The following RANBP9 variants were observed in gnomAD, a reference collection of about 807,000 sequenced individuals.
RANBP9 encodes RAN binding protein 9, also known as ran-binding protein 9.
RANBP9 carries 15 observed loss-of-function variants against 84.3 expected under a neutral mutation model. The ratio of observed to expected loss-of-function variants is 0.18; its 90% CI spans 0.12 to 0.27. The LOEUF is 0.27. RANBP9 is among the 10% of genes least tolerant of loss of function. The pLI is 1.00. For missense variants in RANBP9, 809 were observed against 912.8 expected, an observed-to-expected ratio of 0.89 and a Z score of 1.46; for synonymous variants, 392 against 349.6, an observed-to-expected ratio of 1.12 and a Z score of -1.35.
At chr6:13,683,716 T>C (rs6459025) in intron 2 of RANBP9, among the ~76,000 whole-genome samples, 56,324 of 151,662 alleles carry the variant, frequency 0.37, 10,799 homozygotes, top group Admixed American at 0.49. Flanking sequence ...GATTTGTTTA[T>C]TTGATTTTCC....
chr6:13,678,786 G>A (rs565809990), intron 2 of RANBP9, among the ~76,000 whole-genome samples: 1 of 152,156 alleles, frequency 6.6e-6, no homozygotes, highest in African/African-American at 2.4e-5. Flanking sequence ...AGACCTGTGA[G>A]TATAATAAAA....
intron 2 of RANBP9, among the ~76,000 whole-genome samples, chr6:13,693,399 T>A (rs748894586): frequency 6.6e-6 from 1 of 151,858 alleles, no homozygotes; most frequent in African/African-American, 2.4e-5. Context: ...TAAAAAAAAA[T>A]GACAATACCT....
At chr6:13,671,423 T>G (rs1026410157) in intron 2 of RANBP9, among the ~76,000 whole-genome samples, 5 of 152,206 alleles carry the variant, frequency 3.3e-5, no homozygotes, top group African/African-American at 9.7e-5. Context: ...TGTGATATAT[T>G]AATACAATGG....
chr6:13,651,694 C>A (rs926190167), intron 5 of RANBP9, among the ~76,000 whole-genome samples: 1 of 152,042 alleles, frequency 6.6e-6, no homozygotes, highest in African/African-American at 2.4e-5. Context: ...GCCACCATGC[C>A]CGGCCTAGTC....
chr6:13,711,310 C>T lies in RANBP9; in HGVS notation c.196G>A (p.Ala66Thr), dbSNP rs1237701440. 7.6e-6 allele frequency: 8 copies of T among 1,057,016 alleles called. No homozygotes were observed. In the Admixed American group the frequency reaches 1.7e-4, roughly 22 times the overall value. 65.5% of individuals were successfully genotyped at this position (1,057,016 alleles called of 1,614,324 possible). A position where few individuals can be genotyped will look rare whatever the true frequency, so the allele number is the denominator to read the frequency against. ...GGCGGCGGAGGGTGGAGGAGCAGGG[C>T]GGCCGCCGCGGCCCCTAAGCCTTCG... The part of the protein sequence containing the change: ...GGEGLGAAAA[A>T]LLLHPPPPPP... Residue 66 changes from alanine to threonine, a missense_variant, in exon 1 of 14, where the codon GCC (alanine) becomes ACC (threonine). Ala to Thr is a moderately conservative substitution (Grantham distance 58). Transcript: ENST00000011619.
chr6:13,624,336 A>C (rs1455644759), intron 13 of RANBP9, among the ~76,000 whole-genome samples: 1 of 152,134 alleles, frequency 6.6e-6, no homozygotes, highest in African/African-American at 2.4e-5. Context: ...CTCCCTATCT[A>C]AACTACTCTT....
chr6:13,623,092 T>C (rs12209803), intron 13 of RANBP9, among the ~76,000 whole-genome samples: 77,665 of 151,962 alleles, frequency 0.51, 20,755 homozygotes, highest in Admixed American at 0.63. Flanking sequence ...TTTAAAAAAA[T>C]GCCAATAAAT....
intron 2 of RANBP9, among the ~76,000 whole-genome samples, chr6:13,679,386 A>G (rs1765976748): frequency 6.6e-6 from 1 of 152,224 alleles, no homozygotes; most frequent in Admixed American, 6.5e-5. Context: ...ATAAGGCTCT[A>G]AAAACAAGAA....
chr6:13,634,327 C>A lies in RANBP9; in HGVS notation c.1795+104G>T. ...CTGTCAAGTCCTACAGCACATACATCTTTAAATCTGGTTTATGCTCATCAG... is the reference window on the plus strand; with the variant it reads ...CTGTCAAGTCCTACAGCACATACATATTTAAATCTGGTTTATGCTCATCAG... On this transcript the variant is annotated intron_variant, in intron 11 of 13. Transcript: ENST00000011619. 5 of 1,382,526 alleles carry A rather than the reference C, an allele frequency of 3.6e-6. No homozygotes were observed. In the South Asian group the frequency reaches 5.6e-5, roughly 16 times the overall value. The allele number at this position is 1,382,526 out of a possible 1,614,324, so 85.6% of individuals were successfully genotyped here.
At position 13,622,313 on chromosome 6, in the gene RANBP9, C is replaced by CAAA. The variant is rs766004793; in HGVS notation, c.*48_*49insTTT. The CAAA allele has an allele frequency of 7.0e-7, 1 of 1,426,096 alleles. No individual in the cohort carries two copies. The highest frequency in any genetic ancestry group is 2.6e-5 in the Admixed American group (1 of 39,160). 88.3% of individuals were successfully genotyped at this position (1,426,096 alleles called of 1,614,324 possible). A position where few individuals can be genotyped will look rare whatever the true frequency, so the allele number is the denominator to read the frequency against. On this transcript the variant is annotated 3_prime_UTR_variant, in exon 14 of 14. Transcript: ENST00000011619. ...CAAATCAGCAGAGCTGGTCTACTTC[C>CAAA]ATGTTGACTATATGCCACAATATAA...
intron 5 of RANBP9, 39 bp downstream of exon 5, chr6:13,652,620 T>A: frequency 2.0e-6 from 3 of 1,523,640 alleles, no homozygotes; most frequent in Non-Finnish European, 2.7e-6. Flanking sequence ...ATACTTCCTG[T>A]AATTAAAAAT....
At chr6:13,665,183 T>C (rs1765619529) in intron 2 of RANBP9, among the ~76,000 whole-genome samples, 1 of 152,138 alleles carries the variant, frequency 6.6e-6, no homozygotes, top group Admixed American at 6.5e-5. Context: ...TGTAAAACTA[T>C]CTTAATGACT....
intron 2 of RANBP9, among the ~76,000 whole-genome samples, chr6:13,682,721 A>G (rs1303217151): frequency 1.3e-5 from 2 of 152,170 alleles, no homozygotes; most frequent in African/African-American, 4.8e-5. Flanking sequence ...CAAATTACTG[A>G]TATTTTAATT....
In RANBP9 at chr6:13,686,845, C is replaced by A. The variant is rs144249862; in HGVS notation, c.683+9940G>T. On this transcript the variant is annotated intron_variant, in intron 2 of 13. Coordinates refer to ENST00000011619, the MANE Select transcript of RANBP9 (RefSeq NM_005493.3). ...CTTTGACACACTGCACCTGCTATCACCCCAATTTTAAGGAAACTGCTATCA... is the reference window on the plus strand; with the variant it reads ...CTTTGACACACTGCACCTGCTATCAACCCAATTTTAAGGAAACTGCTATCA... Among the ~76,000 whole-genome samples the A allele has an allele frequency of 2.3e-3, 350 of 152,278 alleles. 1 individual carries two copies. Among genetic ancestry groups the A allele is most frequent in the African/African-American group, 8.1e-3 (335 of 41,542 alleles).
Position 13,642,451 on chromosome 6 carries a change from T to C in RANBP9, c.1225+28A>G, listed in dbSNP as rs374916373. 6.4e-5 allele frequency: 82 copies of C among 1,278,022 alleles called. 1 individual carries two copies. The South Asian group carries it at 9.6e-4, about 15-fold the overall frequency. The allele number at this position is 1,278,022 out of a possible 1,614,324, so 79.2% of individuals were successfully genotyped here. On this transcript the variant is annotated intron_variant, in intron 7 of 13. Transcript: ENST00000011619. ...ACCAAATCTATAATCTGAAAACAAA[T>C]GTTAGCCATGCACCACAGTGTCCTT...
At position 13,653,929 on chromosome 6, in the gene RANBP9, T is replaced by A. The variant is rs144848755; in HGVS notation, c.905-1248A>T. ...AGTACTATCAGCCCAAATAAAAAAC[T>A]TTCCCAAAAATTTCACAAAAGTAAA... is the stretch of plus-strand genomic sequence containing the variant. On this transcript the variant is annotated intron_variant, in intron 4 of 13. Coordinates refer to ENST00000011619, the MANE Select transcript of RANBP9 (RefSeq NM_005493.3). 3.9e-5 allele frequency among the ~76,000 whole-genome samples: 6 copies of A among 152,084 alleles called. No individual in the cohort carries two copies. The East Asian group carries it at 1.2e-3, about 29-fold the overall frequency.
At chr6:13,662,786 CA>C (rs528552341) in intron 2 of RANBP9, among the ~76,000 whole-genome samples, 94 of 152,170 alleles carry the variant, frequency 6.2e-4, no homozygotes, top group African/African-American at 2.2e-3. Context: ...GCAGCCCAAA[CA>C]AAAACAAGAA....
chr6:13,649,917 G>T (rs564934935), intron 5 of RANBP9, among the ~76,000 whole-genome samples: 1 of 152,134 alleles, frequency 6.6e-6, no homozygotes, highest in African/African-American at 2.4e-5. Context: ...TCAATTCTCA[G>T]ACCTTATGTA....
intron 1 of RANBP9, among the ~76,000 whole-genome samples, chr6:13,704,711 T>G (rs1758056336): frequency 6.6e-6 from 1 of 152,036 alleles, no homozygotes; most frequent in South Asian, 2.1e-4. Flanking sequence ...CAACCCAAAA[T>G]TGCTTGTAAA....
Sources: gnomAD v4.1 joint callset for allele counts (sites outside exome capture counted in the v4.1 genomes callset) on GRCh38, gnomAD v4.1.1 for gene constraint, MANE v1.5 for transcripts, NCBI Gene and HGNC (gene_info 2026-07-23, HGNC 2026-07-21) for gene names.